RELN: variants seen among roughly 807,000 people sequenced by gnomAD.
RELN encodes reelin.
In RELN, 108 loss-of-function variants were observed where a neutral mutation model predicts 427.6. That is an observed-to-expected ratio of 0.25 (90% CI 0.22 to 0.30). The LOEUF (loss-of-function observed/expected upper bound fraction) is 0.30. Among genes scored for constraint, RELN ranks in the 10% least tolerant of loss-of-function variants. RELN has a pLI of 1.00. For synonymous variants in RELN, 1,524 were observed against 1,513.4 expected (o/e 1.01, Z -0.16); for missense variants, 3,715 against 4,302.8 (o/e 0.86, Z 3.82).
chr7:103,810,208 G>C (rs1360444802), intron 3 of RELN, among the ~76,000 whole-genome samples: 1 of 152,028 alleles, frequency 6.6e-6, no homozygotes, highest in Non-Finnish European at 1.5e-5. Flanking sequence ...TTTCCCTTCT[G>C]CTGACATGCC....
intron 51 of RELN, 23 bp from the exon 52 acceptor site, chr7:103,503,253 C>A: frequency 6.2e-7 from 1 of 1,604,998 alleles, no homozygotes; most frequent in Non-Finnish European, 8.5e-7. Flanking sequence ...AAAACAAGAT[C>A]AAGGTATTAA....
At chr7:103,535,274 T>G in intron 46 of RELN, 42 bp downstream of exon 46, 4 of 1,598,388 alleles carry the variant, frequency 2.5e-6, no homozygotes, top group Non-Finnish European at 3.4e-6. Flanking sequence ...TTGGGCTCAC[T>G]ATACGTAGAA....
rs1332774590 is a variant in RELN at position 103,569,695 on chromosome 7, A to T, written c.4588+2489T>A. Among the ~76,000 whole-genome samples, 1 of 152,164 alleles carries T rather than the reference A, an allele frequency of 6.6e-6. No homozygotes were observed. The highest frequency in any genetic ancestry group is 1.9e-4 in the East Asian group (1 of 5,188). ...GAGATGAGGGCCCCAATTCCAAAGGACAAAGAAGGAGAGCCTCTCAGATAA... is the reference window on the plus strand; with the variant it reads ...GAGATGAGGGCCCCAATTCCAAAGGTCAAAGAAGGAGAGCCTCTCAGATAA... On this transcript the variant is annotated intron_variant, in intron 31 of 64. Coordinates refer to ENST00000428762, the MANE Select transcript of RELN (RefSeq NM_005045.4). The surrounding 1 kb of genome is among the most constrained non-coding windows in gnomAD (Gnocchi z 4.0).
rs148830867 is a variant in RELN, at chr7:103,499,905, T to C, written c.8667+840A>G. The stretch of plus-strand genomic sequence containing the variant: ...GTGGTATATAAAGCTTTGTTTTTCA[T>C]GTGGTAACCTCATTTGTTAATAATG... On this transcript the variant is annotated intron_variant, in intron 53 of 64. Coordinates refer to ENST00000428762, the MANE Select transcript of RELN (RefSeq NM_005045.4). 1.5e-3 allele frequency among the ~76,000 whole-genome samples: 235 copies of C among 152,338 alleles called. 2 individuals carry two copies. The highest frequency in any genetic ancestry group is 5.4e-3 in the African/African-American group (224 of 41,584).
In RELN at chr7:103,935,713, C is replaced by T. The variant is rs531166285; in HGVS notation, c.227-18528G>A. Reference sequence around the variant, plus strand: ...CTCAATGACATTTAAATTCAACCTGCCTAAACCTGAATACATAATTATGTA... The same window carrying T: ...CTCAATGACATTTAAATTCAACCTGTCTAAACCTGAATACATAATTATGTA... On this transcript the variant is annotated intron_variant, in intron 1 of 64. Transcript: ENST00000428762. 3.2e-4 allele frequency among the ~76,000 whole-genome samples: 49 copies of T among 152,296 alleles called. No homozygotes were observed. The East Asian group carries it at 9.3e-3, about 29-fold the overall frequency.
rs551470493 is a variant in RELN, at chr7:103,554,130, T to C, written c.5798-299A>G. Among the ~76,000 whole-genome samples the C allele has an allele frequency of 2.7e-5, 4 of 150,660 alleles. No homozygotes were observed. The South Asian group carries it at 8.4e-4, about 32-fold the overall frequency. ...TGGGTCCAGGAGTTTGAGGTTACAG[T>C]GAGCTGTGACCATGCCACTGCACTC... is the stretch of plus-strand genomic sequence containing the variant. On this transcript the variant is annotated intron_variant, in intron 38 of 64. Coordinates refer to ENST00000428762, the MANE Select transcript of RELN (RefSeq NM_005045.4).
chr7:103,632,564 G>A (rs1832493055), intron 19 of RELN, among the ~76,000 whole-genome samples: 1 of 152,162 alleles, frequency 6.6e-6, no homozygotes, highest in South Asian at 2.1e-4. Flanking sequence ...TGTAGGGGGA[G>A]TTCCTAACGA....
At chr7:103,531,373 G>A (rs2117110017) in intron 46 of RELN, among the ~76,000 whole-genome samples, 1 of 152,338 alleles carries the variant, frequency 6.6e-6, no homozygotes, top group East Asian at 1.9e-4. Context: ...GCAAGGAATA[G>A]AAACTATGAA....
chr7:103,755,681 T>G (rs1791126545), intron 4 of RELN, among the ~76,000 whole-genome samples: 1 of 150,056 alleles, frequency 6.7e-6, no homozygotes, highest in Admixed American at 6.6e-5. Flanking sequence ...CCAGGTGTGG[T>G]GGCGGGTGCC....
chr7:103,491,917 A>G, intron 58 of RELN, 36 bp downstream of exon 58: 1 of 1,420,016 alleles, frequency 7.0e-7, no homozygotes, highest in Non-Finnish European at 9.8e-7. Context: ...TGGGGTATTC[A>G]AGTTTGAAGA....
At chr7:103,662,625 C>CAAAAAAAAA (rs747230376) in intron 11 of RELN, among the ~76,000 whole-genome samples, 1 of 77,348 alleles carries the variant, frequency 1.3e-5, no homozygotes, top group Non-Finnish European at 2.5e-5. Flanking sequence ...GACTCCGTCA[C>CAAAAAAAAA]AAAAAAAAAA....
chr7:103,551,024 G>T, intron 41 of RELN, 43 bp downstream of exon 41: 1 of 1,515,454 alleles, frequency 6.6e-7, no homozygotes, highest in Non-Finnish European at 9.1e-7. Flanking sequence ...GGAATAAACT[G>T]TCAAAGGAGA....
At chr7:103,539,055 C>G (rs1562878983) in intron 45 of RELN, 23 bp downstream of exon 45, 2 of 1,613,384 alleles carry the variant, frequency 1.2e-6, no homozygotes, top group Non-Finnish European at 1.7e-6. Flanking sequence ...GCCTGTCCCT[C>G]TATCTGGAGA....
intron 4 of RELN, among the ~76,000 whole-genome samples, chr7:103,769,682 C>A (rs1791515370): frequency 6.6e-6 from 1 of 152,212 alleles, no homozygotes; most frequent in Non-Finnish European, 1.5e-5. Context: ...ACATCCAGAA[C>A]CTGGCCTGGC....
intron 28 of RELN, among the ~76,000 whole-genome samples, chr7:103,588,743 A>G (rs1021334981): frequency 6.6e-6 from 1 of 152,226 alleles, no homozygotes; most frequent in Non-Finnish European, 1.5e-5. Flanking sequence ...GTCTCCAAAT[A>G]TAAGCATAGT....
chr7:103,586,735 C>A (rs1029925909), intron 28 of RELN, among the ~76,000 whole-genome samples: 2 of 152,234 alleles, frequency 1.3e-5, no homozygotes, highest in Middle Eastern at 6.8e-3. Flanking sequence ...TTCTATACAC[C>A]AGTAACATTG....
chr7:103,583,895 C>T (rs1831211407), intron 28 of RELN, among the ~76,000 whole-genome samples: 2 of 152,268 alleles, frequency 1.3e-5, no homozygotes, highest in African/African-American at 4.8e-5. Flanking sequence ...TTGGAGACCC[C>T]GTGAAGGCAA....
At chr7:103,625,715 A>T (rs1183295587) in intron 20 of RELN, among the ~76,000 whole-genome samples, 2 of 149,698 alleles carry the variant, frequency 1.3e-5, no homozygotes, top group Non-Finnish European at 3.0e-5. Context: ...AAATTAAAAA[A>T]GATAACATGC....
At chr7:103,928,564 G>A (rs914966453) in intron 1 of RELN, among the ~76,000 whole-genome samples, 15 of 152,320 alleles carry the variant, frequency 9.8e-5, no homozygotes, top group South Asian at 2.1e-4. Context: ...AATTTCCAAC[G>A]AAGGCTATCC....
Sources: gnomAD v4.1 joint callset for allele counts (sites outside exome capture counted in the v4.1 genomes callset) on GRCh38, gnomAD v4.1.1 for gene constraint, Gnocchi (gnomAD v3.1) non-coding constraint, MANE v1.5 for transcripts, NCBI Gene and HGNC (gene_info 2026-07-23, HGNC 2026-07-21) for gene names.